The following ATP13A2 variants were observed in gnomAD, a reference collection of about 807,000 sequenced individuals.
ATP13A2 encodes the protein polyamine-transporting ATPase 13A2.
A neutral mutation model predicts 138.3 loss-of-function variants in ATP13A2; 83 were observed. That is an observed-to-expected ratio of 0.60 (90% confidence interval 0.50 to 0.72). The LOEUF (loss-of-function observed/expected upper bound fraction) is 0.72. Among genes scored for constraint, ATP13A2 ranks in the 30% least tolerant of loss-of-function variants. The pLI is 0.00. For synonymous variants in ATP13A2, 663 were observed against 699.0 expected (o/e 0.95, Z 0.81); for missense variants, 1,402 against 1,606.4 (o/e 0.87, Z 2.17).
chr1:17,008,125 A>G (rs1291250013), intron 1 of ATP13A2, among the ~76,000 whole-genome samples: 1 of 152,146 alleles, frequency 6.6e-6, no homozygotes, highest in Non-Finnish European at 1.5e-5. Context: ...GTGAGCCACC[A>G]TGCCCAGCTT....
chr1:17,010,589 G>C (rs1212781126), intron 1 of ATP13A2, among the ~76,000 whole-genome samples: 1 of 152,194 alleles, frequency 6.6e-6, no homozygotes, highest in African/African-American at 2.4e-5. Flanking sequence ...AGCTGGAAAT[G>C]AGTGTGTCTG....
chr1:17,010,113 C>G (rs1022090984), intron 1 of ATP13A2, among the ~76,000 whole-genome samples: 16 of 149,544 alleles, frequency 1.1e-4, no homozygotes, highest in African/African-American at 3.2e-4. Context: ...CCCCCCTGCC[C>G]GTCTCCCAGG....
chr1:16,992,638 G>A, intron 16 of ATP13A2, 57 bp from the exon 17 acceptor site: 2 of 1,576,650 alleles, frequency 1.3e-6, no homozygotes, highest in Non-Finnish European at 1.7e-6. Flanking sequence ...AGAGAGATTT[G>A]AGCTAGACTC....
intron 15 of ATP13A2, among the ~76,000 whole-genome samples, chr1:16,994,961 C>T (rs992654438): frequency 6.6e-6 from 1 of 152,176 alleles, no homozygotes; most frequent in African/African-American, 2.4e-5. Flanking sequence ...TGCGCTGGGC[C>T]CCCTCCCCAG....
At position 17,005,529 on chromosome 1, in the gene ATP13A2, A is replaced by T; in HGVS notation, c.133T>A (p.Trp45Arg). The change falls in exon 3 of 29, where the codon TGG (tryptophan) becomes AGG (arginine). Residue 45 changes from tryptophan to arginine, a missense_variant. Coordinates refer to ENST00000326735, the MANE Select transcript of ATP13A2 (RefSeq NM_022089.4). The stretch of plus-strand genomic sequence containing the variant: ...ACGACGTGATAGCCGATGACCCTCC[A>T]TGGACTGCCACAGTAGCCGCTGAGC... Reference protein sequence around the residue: ...VRLSGYCGSPWRVIGYHVVVW... With the variant: ...VRLSGYCGSPRRVIGYHVVVW... The T allele has an allele frequency of 5.0e-6, 8 of 1,614,182 alleles. No homozygotes were observed. Among genetic ancestry groups the T allele is most frequent in the Non-Finnish European group, 6.8e-6 (8 of 1,180,032 alleles).
chr1:16,989,709 C>A lies in ATP13A2; in HGVS notation c.2591G>T (p.Cys864Phe), dbSNP rs1281682323. 1.9e-6 allele frequency: 3 copies of A among 1,613,994 alleles called. No individual in the cohort carries two copies. In the Admixed American group the frequency reaches 5.0e-5, roughly 27 times the overall value. The change falls in exon 23 of 29, where the codon TGC becomes TTC. Residue 864 changes from cysteine to phenylalanine, a missense_variant. By Grantham distance (205) the Cys-to-Phe change is radical. Transcript: ENST00000326735. ...CACTCACTGAAGCTTCTGTAGCTCG[C>A]ACACCAGCTCTGTCTTCTGCTCAGG... is the stretch of plus-strand genomic sequence containing the variant. ...MAPEQKTELV[C>F]ELQKLQYCVG...
At position 17,011,832 on chromosome 1, in the gene ATP13A2, C is replaced by G. The variant is rs1471086227; in HGVS notation, c.-94G>C. 1.9e-6 allele frequency: 2 copies of G among 1,075,062 alleles called. No individual in the cohort carries two copies. The highest frequency in any genetic ancestry group is 1.1e-6 in the Non-Finnish European group (1 of 888,272). 66.6% of individuals were successfully genotyped at this position (1,075,062 alleles called of 1,614,324 possible). Reference sequence around the variant, plus strand: ...GCCCTGGGCGGGGGCGCGGTCCGGACGGCCCGGGGCGAGGGGCGCTGGGCT... The same window carrying G: ...GCCCTGGGCGGGGGCGCGGTCCGGAGGGCCCGGGGCGAGGGGCGCTGGGCT... On this transcript the variant is annotated 5_prime_UTR_variant, in exon 1 of 29. Transcript: ENST00000326735. This position sits in a 1 kb window ranked among gnomAD's most constrained non-coding sequence, Gnocchi z 7.3.
chr1:17,008,713 G>A (rs747958715), intron 1 of ATP13A2, among the ~76,000 whole-genome samples: 4 of 152,130 alleles, frequency 2.6e-5, no homozygotes, highest in Non-Finnish European at 4.4e-5. Context: ...CCCTTTGGGA[G>A]CCCAAGGGGG....
At position 17,004,996 on chromosome 1, in the gene ATP13A2, G is replaced by C; in HGVS notation, c.347+18C>G. The C allele has an allele frequency of 2.5e-6, 4 of 1,613,584 alleles. No individual in the cohort carries two copies. In the South Asian group the frequency reaches 4.4e-5, roughly 18 times the overall value. ...GGGTAGCAGGGGCTTCTGGGAAGGGGCAATGGGGCTGCCTCACCTGCCCTC... is the reference window on the plus strand; with the variant it reads ...GGGTAGCAGGGGCTTCTGGGAAGGGCCAATGGGGCTGCCTCACCTGCCCTC... On this transcript the variant is annotated intron_variant, in intron 4 of 28. Coordinates refer to ENST00000326735, the MANE Select transcript of ATP13A2 (RefSeq NM_022089.4). This position sits in a 1 kb window ranked among gnomAD's most constrained non-coding sequence, Gnocchi z 4.1.
At chr1:17,008,861 G>A (rs2077667556) in intron 1 of ATP13A2, among the ~76,000 whole-genome samples, 1 of 151,992 alleles carries the variant, frequency 6.6e-6, no homozygotes, top group South Asian at 2.1e-4. Context: ...CTACTTGGGA[G>A]GCTGAGGCGG....
intron 6 of ATP13A2, among the ~76,000 whole-genome samples, chr1:17,003,184 A>G (rs1280959286): frequency 6.6e-6 from 1 of 152,074 alleles, no homozygotes; most frequent in African/African-American, 2.4e-5. Context: ...TCCCTTCCCC[A>G]GCACTGCCTG....
In ATP13A2 at chr1:16,995,896, G is replaced by C; in HGVS notation, c.1542+80C>G. Reference sequence around the variant, plus strand: ...TGGCATCCTGTGGGTGCTGCTGAGAGAATAACGCGGGTGTGGAGGCCTCAC... The same window carrying C: ...TGGCATCCTGTGGGTGCTGCTGAGACAATAACGCGGGTGTGGAGGCCTCAC... On this transcript the variant is annotated intron_variant, in intron 15 of 28. Coordinates refer to ENST00000326735, the MANE Select transcript of ATP13A2 (RefSeq NM_022089.4). The surrounding 1 kb of genome is among the most constrained non-coding windows in gnomAD (Gnocchi z 4.1). 1 of 1,550,048 alleles carries C rather than the reference G, an allele frequency of 6.5e-7. No individual in the cohort carries two copies. The highest frequency in any genetic ancestry group is 1.1e-5 in the South Asian group (1 of 87,932).
intron 16 of ATP13A2, among the ~76,000 whole-genome samples, chr1:16,993,277 G>A (rs768407671): frequency 1.3e-5 from 2 of 152,170 alleles, no homozygotes; most frequent in East Asian, 3.8e-4. Flanking sequence ...GTGCAGTAGC[G>A]TGATCACAGC....
chr1:17,002,008 G>A (rs1468707832), intron 8 of ATP13A2, 26 bp downstream of exon 8: 1 of 1,598,392 alleles, frequency 6.3e-7, no homozygotes, highest in Non-Finnish European at 8.5e-7. Flanking sequence ...AGGCAGGGCT[G>A]GGGCAAGACC....
chr1:17,005,086 G>T lies in ATP13A2; in HGVS notation c.289-14C>A, dbSNP rs1249495752. 6 of 1,613,894 alleles carry T rather than the reference G, an allele frequency of 3.7e-6. No homozygotes were observed. The highest frequency in any genetic ancestry group is 3.4e-6 in the Non-Finnish European group (4 of 1,179,998). On this transcript the variant is annotated splice_polypyrimidine_tract_variant and intron_variant, in intron 3 of 28. Coordinates refer to ENST00000326735, the MANE Select transcript of ATP13A2 (RefSeq NM_022089.4). ...CCAGGAACTATCCTGGAACACAGAG[G>T]TATGGACTCAGTCTCAGAAGAGTCC...
chr1:16,994,381 C>T (rs1167596207), intron 15 of ATP13A2, among the ~76,000 whole-genome samples: 3 of 150,292 alleles, frequency 2.0e-5, no homozygotes, highest in African/African-American at 2.4e-5. Flanking sequence ...TATAGGCACG[C>T]GCTACCTCGC....
Position 16,986,667 on chromosome 1 carries a change from GC to G in ATP13A2, c.3236-36del, listed in dbSNP as rs748975167. ...GGAGAGTCTCTCAGGCAGGAGCCACGCCCCCCCGGCACCCACAGACACACGT... is the reference window on the plus strand; with the variant it reads ...GGAGAGTCTCTCAGGCAGGAGCCACGCCCCCCGGCACCCACAGACACACGT... On this transcript the variant is annotated intron_variant, in intron 27 of 28. Coordinates refer to ENST00000326735, the MANE Select transcript of ATP13A2 (RefSeq NM_022089.4). The surrounding 1 kb of genome is among the most constrained non-coding windows in gnomAD (Gnocchi z 6.9). The G allele has an allele frequency of 1.1e-5, 18 of 1,578,764 alleles. 1 individual carries two copies. The highest frequency in any genetic ancestry group is 9.2e-5 in the East Asian group (4 of 43,310).
At chr1:16,993,994 T>C (rs939100708) in intron 15 of ATP13A2, among the ~76,000 whole-genome samples, 159 bp from the exon 16 acceptor site, 10 of 152,162 alleles carry the variant, frequency 6.6e-5, no homozygotes, top group Admixed American at 5.2e-4. Context: ...CCTTGGCACA[T>C]GTGATTCCCT....
At chr1:17,003,494 G>A (rs1284467834) in intron 6 of ATP13A2, among the ~76,000 whole-genome samples, 3 of 151,328 alleles carry the variant, frequency 2.0e-5, no homozygotes, top group South Asian at 4.2e-4. Context: ...GGAGGCGGAG[G>A]TGCAGTGAGC....
Sources: gnomAD v4.1 joint callset for allele counts (sites outside exome capture counted in the v4.1 genomes callset) on GRCh38, gnomAD v4.1.1 for gene constraint, Gnocchi (gnomAD v3.1) non-coding constraint, MANE v1.5 for transcripts, NCBI Gene and HGNC (gene_info 2026-07-23, HGNC 2026-07-21) for gene names.